ZFAND3: variants seen among roughly 807,000 people sequenced by gnomAD.
ZFAND3 encodes the protein AN1-type zinc finger protein 3.
In ZFAND3, 10 loss-of-function variants were observed where a neutral mutation model predicts 29.6. The observed-to-expected ratio is 0.34, with a 90% CI of 0.21 to 0.57. ZFAND3 has a LOEUF of 0.57. Ranked by LOEUF, ZFAND3 falls within the 20% of genes least tolerant of loss-of-function variation. The pLI is 0.86. For synonymous variants in ZFAND3, 128 were observed against 112.6 expected (o/e 1.14, Z -0.87); for missense variants, 230 against 304.5 (o/e 0.76, Z 1.82).
chr6:38,034,895 A>AT (rs1432318558), intron 2 of ZFAND3, among the ~76,000 whole-genome samples: 1 of 151,866 alleles, frequency 6.6e-6, no homozygotes, highest in African/African-American at 2.4e-5. Flanking sequence ...TTTTATTTTT[A>AT]TTTTTTCTAA....
chr6:38,130,073 G>GTT (rs142209748), intron 5 of ZFAND3, among the ~76,000 whole-genome samples: 15 of 151,700 alleles, frequency 9.9e-5, no homozygotes, highest in South Asian at 2.1e-4. Flanking sequence ...CATTTTGATG[G>GTT]TTTTTTTTGT....
At chr6:38,003,704 C>T (rs2127440720) in intron 2 of ZFAND3, 2 of 327,000 alleles carry the variant, frequency 6.1e-6, no homozygotes, top group Admixed American at 3.9e-5. Flanking sequence ...CGGGGTTTTG[C>T]CATGTTGACC....
At chr6:37,829,865 A>G (rs1213650655) in intron 1 of ZFAND3, among the ~76,000 whole-genome samples, 2 of 152,192 alleles carry the variant, frequency 1.3e-5, no homozygotes, top group African/African-American at 2.4e-5. Flanking sequence ...AGTCTTTGCA[A>G]CTGACAGATA....
At chr6:37,820,227 C>G (rs1374456683) in intron 1 of ZFAND3, among the ~76,000 whole-genome samples, 1 of 152,020 alleles carries the variant, frequency 6.6e-6, no homozygotes, top group African/African-American at 2.4e-5. Flanking sequence ...GGGTGCGTTG[C>G]TACCCTTTGG....
chr6:37,924,750 G>A (rs781695550), intron 1 of ZFAND3, among the ~76,000 whole-genome samples: 19 of 151,864 alleles, frequency 1.3e-4, no homozygotes, highest in Non-Finnish European at 1.8e-4. Flanking sequence ...GAGCCTAGGA[G>A]GTCAAGGCTG....
chr6:38,144,184 A>ATAATATATATT (rs66561715), intron 5 of ZFAND3, among the ~76,000 whole-genome samples: 2 of 42,544 alleles, frequency 4.7e-5, no homozygotes, highest in East Asian at 5.5e-4. Flanking sequence ...ATATATATAT[A>ATAATATATATT]ATATATATAT....
At position 38,154,474 on chromosome 6, in the gene ZFAND3, A is replaced by G. The variant is rs1415056366; in HGVS notation, c.*2085A>G. On this transcript the variant is annotated 3_prime_UTR_variant, in exon 6 of 6. Coordinates refer to ENST00000287218, the MANE Select transcript of ZFAND3 (RefSeq NM_021943.3). Reference sequence around the variant, plus strand: ...AATTCTTGTATCTTTAAAAGAGAAAATCTTATTTAACCCTTTTGTGTTCTA... The same window carrying G: ...AATTCTTGTATCTTTAAAAGAGAAAGTCTTATTTAACCCTTTTGTGTTCTA... 3.0e-6 allele frequency: 3 copies of G among 984,950 alleles called. No homozygotes were observed. Among genetic ancestry groups the G allele is most frequent in the Non-Finnish European group, 3.6e-6 (3 of 829,172 alleles). 61.0% of individuals were successfully genotyped at this position (984,950 alleles called of 1,614,324 possible).
chr6:38,009,263 T>C (rs917582758), intron 2 of ZFAND3, among the ~76,000 whole-genome samples: 1 of 152,208 alleles, frequency 6.6e-6, no homozygotes, highest in Non-Finnish European at 1.5e-5. Context: ...AGGTACTGTT[T>C]TGTGGAAGGG....
rs1766294913 is a variant in ZFAND3, at chr6:38,154,069, G to A, written c.*1680G>A. On this transcript the variant is annotated 3_prime_UTR_variant, in exon 6 of 6. Transcript: ENST00000287218. Reference sequence around the variant, plus strand: ...TGCAAAATCCCCAGCCTTAATTCTTGCTTCAGGACCCAGACCGGTGTCTTG... The same window carrying A: ...TGCAAAATCCCCAGCCTTAATTCTTACTTCAGGACCCAGACCGGTGTCTTG... 1.0e-6 allele frequency: 1 copy of A among 985,398 alleles called. No homozygotes were observed. Among genetic ancestry groups the A allele is most frequent in the African/African-American group, 1.7e-5 (1 of 57,252 alleles). The allele number at this position is 985,398 out of a possible 1,614,324, so 61.0% of individuals were successfully genotyped here.
chr6:37,857,767 G>A (rs375427466), intron 1 of ZFAND3, among the ~76,000 whole-genome samples: 2 of 152,314 alleles, frequency 1.3e-5, no homozygotes, highest in East Asian at 3.9e-4. Flanking sequence ...CTCCATAAGA[G>A]TATAATAGTT....
intron 2 of ZFAND3, among the ~76,000 whole-genome samples, chr6:37,960,142 A>C (rs1762170033): frequency 6.6e-6 from 1 of 152,184 alleles, no homozygotes; most frequent in Non-Finnish European, 1.5e-5. Flanking sequence ...AAATGGGGAT[A>C]ATAATAGCCC....
At chr6:37,906,546 C>T (rs571501895) in intron 1 of ZFAND3, among the ~76,000 whole-genome samples, 3 of 152,224 alleles carry the variant, frequency 2.0e-5, no homozygotes, top group African/African-American at 4.8e-5. Flanking sequence ...TGGGTATACA[C>T]GTGGGTGTGG....
chr6:38,068,080 A>C (rs537548418), intron 3 of ZFAND3, among the ~76,000 whole-genome samples: 1 of 152,186 alleles, frequency 6.6e-6, no homozygotes, highest in Non-Finnish European at 1.5e-5. Context: ...GAGAGTACCT[A>C]TCTCATACAA....
intron 1 of ZFAND3, among the ~76,000 whole-genome samples, chr6:37,865,343 C>T (rs1764570682): frequency 6.6e-6 from 1 of 152,104 alleles, no homozygotes; most frequent in Admixed American, 6.5e-5. Context: ...GAAAAAAGAT[C>T]TGTACACGCT....
intron 5 of ZFAND3, among the ~76,000 whole-genome samples, chr6:38,144,196 T>TATA (rs1554183945): frequency 2.4e-5 from 1 of 41,094 alleles, no homozygotes; most frequent in African/African-American, 1.1e-4. Context: ...TATATATATA[T>TATA]ATATATATAT....
chr6:38,034,294 A>T (rs1763617395), intron 2 of ZFAND3, among the ~76,000 whole-genome samples: 1 of 152,122 alleles, frequency 6.6e-6, no homozygotes, highest in Non-Finnish European at 1.5e-5. Context: ...GAGATGTTAA[A>T]ATGCAAGAAA....
chr6:37,974,793 A>G (rs1202324041), intron 2 of ZFAND3, among the ~76,000 whole-genome samples: 1 of 152,206 alleles, frequency 6.6e-6, no homozygotes, highest in Non-Finnish European at 1.5e-5. Context: ...TTCTTTTGCT[A>G]AGTAGTATTC....
At chr6:38,005,440 C>G (rs1763032190) in intron 2 of ZFAND3, among the ~76,000 whole-genome samples, 2 of 152,086 alleles carry the variant, frequency 1.3e-5, no homozygotes, top group Admixed American at 1.3e-4. Context: ...ATTACATTAT[C>G]AATAAAAACT....
At chr6:37,854,796 C>T (rs1256146044) in intron 1 of ZFAND3, among the ~76,000 whole-genome samples, 1 of 122,594 alleles carries the variant, frequency 8.2e-6, no homozygotes, top group Non-Finnish European at 1.6e-5. Flanking sequence ...AAGAAGTAGG[C>T]TGACCTGAAA....
Sources: gnomAD v4.1 joint callset for allele counts (sites outside exome capture counted in the v4.1 genomes callset) on GRCh38, gnomAD v4.1.1 for gene constraint, MANE v1.5 for transcripts, NCBI Gene and HGNC (gene_info 2026-07-23, HGNC 2026-07-21) for gene names.